The following INTS7 variants were observed in gnomAD, a reference collection of about 807,000 sequenced individuals.
INTS7 encodes integrator complex subunit 7, also known as chromosome 1 open reading frame 73.
INTS7 carries 46 observed loss-of-function variants against 109.2 expected under a neutral mutation model. The observed-to-expected ratio is 0.42, with a 90% CI of 0.33 to 0.54. The LOEUF is 0.54. Ranked by LOEUF, INTS7 falls within the 20% of genes least tolerant of loss-of-function variation. The pLI is 0.07. For synonymous variants in INTS7, 412 were observed against 402.9 expected (o/e 1.02, Z -0.27); for missense variants, 929 against 1,132.4 (o/e 0.82, Z 2.58).
chr1:211,944,926 G>A lies in INTS7; in HGVS notation c.2459C>T (p.Ala820Val). Reference protein sequence around the residue: ...PSPRNPAEPIAVQNNQQLALK... With the variant: ...PSPRNPAEPIVVQNNQQLALK... ...CGCCAGCTGCTGGTTATTCTGGACA[G>A]CAATGGGCTCTGCAGGATTCCGGGG... is the stretch of plus-strand genomic sequence containing the variant. The change falls in exon 19 of 20, where the codon GCT (alanine) becomes GTT (valine). Residue 820 changes from alanine (A) to valine (V), a missense_variant. Transcript: ENST00000366994. 1 of 1,614,234 alleles carries A rather than the reference G, an allele frequency of 6.2e-7. No homozygotes were observed. Among genetic ancestry groups the A allele is most frequent in the Non-Finnish European group, 8.5e-7 (1 of 1,180,042 alleles).
intron 16 of INTS7, among the ~76,000 whole-genome samples, chr1:211,953,702 C>T (rs1403656332): frequency 6.6e-6 from 1 of 151,554 alleles, no homozygotes; most frequent in Non-Finnish European, 1.5e-5. Flanking sequence ...TTTCCAGTTT[C>T]ATCCATGTCC....
chr1:212,009,400 C>T (rs115431767), intron 5 of INTS7, among the ~76,000 whole-genome samples: 164 of 152,332 alleles, frequency 1.1e-3, no homozygotes, highest in African/African-American at 3.9e-3. Context: ...CTTTCATCAA[C>T]TCCCTTGCTA....
At position 212,020,718 on chromosome 1, in the gene INTS7, T is replaced by C. The variant is rs1666653256; in HGVS notation, c.224+365A>G. ...AGCAAATAGGCATGTATTCAGTGCT[T>C]ACATGTTTCAGGTACTTCACAGACA... On this transcript the variant is annotated intron_variant, in intron 2 of 19. Transcript: ENST00000366994. 9.9e-6 allele frequency: 10 copies of C among 1,015,066 alleles called. No individual in the cohort carries two copies. The South Asian group carries it at 1.3e-4, about 13-fold the overall frequency. 62.9% of individuals were successfully genotyped at this position (1,015,066 alleles called of 1,614,324 possible).
At chr1:211,970,186 A>G (rs1356828884) in intron 13 of INTS7, among the ~76,000 whole-genome samples, 1 of 152,184 alleles carries the variant, frequency 6.6e-6, no homozygotes, top group Non-Finnish European at 1.5e-5. Context: ...AATAAGTTTC[A>G]ATGAGGATGG....
intron 1 of INTS7, among the ~76,000 whole-genome samples, chr1:212,031,473 G>A (rs996385414): frequency 6.6e-6 from 1 of 152,122 alleles, no homozygotes; most frequent in Non-Finnish European, 1.5e-5. Flanking sequence ...TGTATGCTCA[G>A]TCTTACAGAA....
chr1:212,025,004 A>T (rs1020199592), intron 1 of INTS7, among the ~76,000 whole-genome samples: 2 of 152,220 alleles, frequency 1.3e-5, no homozygotes, highest in African/African-American at 2.4e-5. Flanking sequence ...TTTGACTCTA[A>T]ATGAAACTAG....
At chr1:212,022,373 C>G (rs1666744819) in intron 1 of INTS7, among the ~76,000 whole-genome samples, 1 of 152,132 alleles carries the variant, frequency 6.6e-6, no homozygotes, top group Admixed American at 6.5e-5. Context: ...GACGAAAAGA[C>G]AACCACATGC....
At chr1:211,976,249 G>T (rs1664413378) in intron 12 of INTS7, among the ~76,000 whole-genome samples, 1 of 152,166 alleles carries the variant, frequency 6.6e-6, no homozygotes, top group African/African-American at 2.4e-5. Flanking sequence ...GAGGAACAAA[G>T]ATGTGGTATA....
intron 1 of INTS7, among the ~76,000 whole-genome samples, chr1:212,031,552 C>A (rs1227439403): frequency 1.3e-5 from 2 of 152,248 alleles, no homozygotes; most frequent in African/African-American, 4.8e-5. Flanking sequence ...CAAAATCCAA[C>A]TTCTTGTCCT....
At chr1:212,013,679 C>A (rs1343957553) in intron 4 of INTS7, among the ~76,000 whole-genome samples, 1 of 152,134 alleles carries the variant, frequency 6.6e-6, no homozygotes, top group East Asian at 1.9e-4. Flanking sequence ...ACAGGAATAC[C>A]ATTTTTATCT....
chr1:211,975,941 T>C (rs543645441), intron 12 of INTS7, among the ~76,000 whole-genome samples: 2 of 125,334 alleles, frequency 1.6e-5, no homozygotes, highest in Admixed American at 9.1e-5. Flanking sequence ...CTTTGGTCTC[T>C]GGACTTATCC....
At chr1:211,985,386 G>C (rs1664851366) in intron 8 of INTS7, among the ~76,000 whole-genome samples, 1 of 152,032 alleles carries the variant, frequency 6.6e-6, no homozygotes, top group South Asian at 2.1e-4. Context: ...ATAATAAACG[G>C]AAATAAAGAT....
chr1:211,953,364 G>C (rs532332000), intron 16 of INTS7, among the ~76,000 whole-genome samples: 47 of 151,754 alleles, frequency 3.1e-4, no homozygotes, highest in African/African-American at 1.1e-3. Context: ...AGTGAAAAAA[G>C]GCATTTCTAT....
chr1:212,004,138 A>C (rs1392288237), intron 7 of INTS7, among the ~76,000 whole-genome samples: 1 of 152,182 alleles, frequency 6.6e-6, no homozygotes, highest in Non-Finnish European at 1.5e-5. Flanking sequence ...TGAGGTCAAG[A>C]GTTCAGGACC....
chr1:211,954,987 T>C (rs1419049633), intron 16 of INTS7, among the ~76,000 whole-genome samples: 1 of 152,186 alleles, frequency 6.6e-6, no homozygotes, highest in East Asian at 1.9e-4. Flanking sequence ...TTACCTTGGG[T>C]AGTATGGCCA....
intron 16 of INTS7, among the ~76,000 whole-genome samples, chr1:211,957,302 T>C (rs1386581117): frequency 7.0e-6 from 1 of 142,260 alleles, no homozygotes; most frequent in Non-Finnish European, 1.5e-5. Context: ...TCCCAGCACT[T>C]TGGCAGGCTG....
chr1:211,976,034 A>G (rs1664403470), intron 12 of INTS7, among the ~76,000 whole-genome samples: 1 of 152,064 alleles, frequency 6.6e-6, no homozygotes, highest in Non-Finnish European at 1.5e-5. Context: ...TCCTGGCCTC[A>G]AGAGATTTGT....
At chr1:212,027,675 G>C (rs985653794) in intron 1 of INTS7, among the ~76,000 whole-genome samples, 2 of 152,192 alleles carry the variant, frequency 1.3e-5, no homozygotes, top group Non-Finnish European at 2.9e-5. Flanking sequence ...AGAGCTTTTT[G>C]CCAGGCTAGT....
At chr1:212,011,212 T>C (rs145221793) in intron 5 of INTS7, among the ~76,000 whole-genome samples, 163 bp downstream of exon 5, 6 of 152,290 alleles carry the variant, frequency 3.9e-5, no homozygotes, top group Middle Eastern at 3.4e-3. Flanking sequence ...GTTTTGCTCA[T>C]TCCTGTATCC....
Sources: gnomAD v4.1 joint callset for allele counts (sites outside exome capture counted in the v4.1 genomes callset) on GRCh38, gnomAD v4.1.1 for gene constraint, MANE v1.5 for transcripts, NCBI Gene and HGNC (gene_info 2026-07-23, HGNC 2026-07-21) for gene names.